ADAM21: variants seen among roughly 807,000 people sequenced by gnomAD.
ADAM21 encodes the protein ADAM metallopeptidase domain 21.
For synonymous variants in ADAM21, 262 were observed against 306.0 expected, an observed-to-expected ratio of 0.86 and a Z score of 1.50; for missense variants, 678 against 874.4, an observed-to-expected ratio of 0.78 and a Z score of 2.83.
At chr14:70,456,481 T>A (rs2139484319) in intron 1 of ADAM21, among the ~76,000 whole-genome samples, 1 of 152,310 alleles carries the variant, frequency 6.6e-6, no homozygotes, top group South Asian at 2.1e-4. Flanking sequence ...GACTCTACAA[T>A]GGTTTTTGCC....
chr14:70,458,402 T>A lies in ADAM21; in HGVS notation c.903T>A (p.Asn301Lys). 2 of 1,614,194 alleles carry A rather than the reference T, an allele frequency of 1.2e-6. No individual in the cohort carries two copies. The highest frequency in any genetic ancestry group is 1.1e-5 in the South Asian group (1 of 91,078). ...QHDAAHMFIKNSLISILGLAY... is the reference protein window; with the variant it reads ...QHDAAHMFIKKSLISILGLAY... ...ATGCTGCACATATGTTCATAAAAAATTCACTTATAAGTATACTTGGCCTAG... is the reference window on the plus strand; with the variant it reads ...ATGCTGCACATATGTTCATAAAAAAATCACTTATAAGTATACTTGGCCTAG... The change falls in exon 2 of 2, where the codon AAT becomes AAA. Residue 301 changes from asparagine (N) to lysine (K), a missense_variant. Transcript: ENST00000603540.
At chr14:70,455,303 CTTGAT>C (rs1179247542) in intron 1 of ADAM21, among the ~76,000 whole-genome samples, 1 of 152,120 alleles carries the variant, frequency 6.6e-6, no homozygotes, top group Non-Finnish European at 1.5e-5. Flanking sequence ...CTTAGATTAG[CTTGAT>C]TTAAGTGCTT....
chr14:70,456,995 T>C (rs1050899971), intron 1 of ADAM21, among the ~76,000 whole-genome samples: 5 of 152,210 alleles, frequency 3.3e-5, no homozygotes, highest in African/African-American at 4.8e-5. Flanking sequence ...ACACTATCAA[T>C]AGATATTGCA....
chr14:70,457,891 G>A lies in ADAM21; in HGVS notation c.392G>A (p.Gly131Asp), dbSNP rs778682144. ...GTTGTGTTCAGTGCTTGTTTTGGGG[G>A]CTTTCGAGGAGTATTAAAAATAAGT... Reference protein sequence around the residue: ...SLVVFSACFGGFRGVLKISGL... With the variant: ...SLVVFSACFGDFRGVLKISGL... Residue 131 changes from glycine (G) to aspartate (D), a missense_variant, in exon 2 of 2, where the codon GGC becomes GAC. Transcript: ENST00000603540. The A allele has an allele frequency of 1.9e-6, 3 of 1,613,896 alleles. No homozygotes were observed. Among genetic ancestry groups the A allele is most frequent in the Non-Finnish European group, 2.5e-6 (3 of 1,180,038 alleles).
rs760265585 is a variant in ADAM21 at position 70,458,462 on chromosome 14, T to C, written c.963T>C (p.Asp321=). 4 of 1,614,026 alleles carry C rather than the reference T, an allele frequency of 2.5e-6. No individual in the cohort carries two copies. Among genetic ancestry groups the C allele is most frequent in the East Asian group, 2.2e-5 (1 of 44,870 alleles). ...CAGGAATATGTCGTCCACCTATTGA[T>C]TGTGGAGTTGATAATTTTCAAGGAG... The part of the protein sequence containing the change: ...YVAGICRPPI[D]CGVDNFQGDT... The change falls in exon 2 of 2, where the codon GAT becomes GAC. Residue 321 remains aspartate (D), a synonymous_variant. Transcript: ENST00000603540.
rs1254271683 is a variant in ADAM21, at chr14:70,458,297, T to C, written c.798T>C (p.Val266=). The C allele has an allele frequency of 6.2e-7, 1 of 1,614,090 alleles. No homozygotes were observed. Residue 266 remains valine, a synonymous_variant, in exon 2 of 2, where the codon GTT becomes GTC. Coordinates refer to ENST00000603540, the MANE Select transcript of ADAM21 (RefSeq NM_003813.4). Reference sequence around the variant, plus strand: ...TTGAAATTTGGAATCAAGGAAATGTTTTCCCAATGACAAGCATAGAACAGG... The same window carrying C: ...TTGAAATTTGGAATCAAGGAAATGTCTTCCCAATGACAAGCATAGAACAGG... ...IGIEIWNQGN[V]FPMTSIEQVL...
In ADAM21 at chr14:70,458,411, A is replaced by G. The variant is rs1386343206; in HGVS notation, c.912A>G (p.Ile304Met). The change falls in exon 2 of 2, where the codon ATA becomes ATG. Residue 304 changes from isoleucine (I) to methionine (M), a missense_variant. By Grantham distance (10) the Ile-to-Met change is conservative (BLOSUM62 1). Transcript: ENST00000603540. ...AAHMFIKNSLISILGLAYVAG... is the reference protein window; with the variant it reads ...AAHMFIKNSLMSILGLAYVAG... Reference sequence around the variant, plus strand: ...ATATGTTCATAAAAAATTCACTTATAAGTATACTTGGCCTAGCCTATGTTG... The same window carrying G: ...ATATGTTCATAAAAAATTCACTTATGAGTATACTTGGCCTAGCCTATGTTG... 8.1e-6 allele frequency: 13 copies of G among 1,614,062 alleles called. No individual in the cohort carries two copies. The highest frequency in any genetic ancestry group is 1.1e-5 in the Non-Finnish European group (13 of 1,180,034).
In ADAM21 at chr14:70,457,397, G is replaced by A; in HGVS notation, c.-103G>A. On this transcript the variant is annotated 5_prime_UTR_variant, in exon 2 of 2. Coordinates refer to ENST00000603540, the MANE Select transcript of ADAM21 (RefSeq NM_003813.4). ...GCCAGGACACAGATCCACAGGGTCA[G>A]CCCTGCATCCTGAGCAGCTTAGAGG... 1 of 1,558,470 alleles carries A rather than the reference G, an allele frequency of 6.4e-7. No homozygotes were observed. The highest frequency in any genetic ancestry group is 1.4e-5 in the African/African-American group (1 of 73,362).
In ADAM21 at chr14:70,458,375, T is replaced by A. The variant is rs1279850812; in HGVS notation, c.876T>A (p.His292Gln). 3.1e-6 allele frequency: 5 copies of A among 1,614,114 alleles called. No homozygotes were observed. Among genetic ancestry groups the A allele is most frequent in the South Asian group, 1.1e-5 (1 of 91,082 alleles). ...WKQISLSQLQ[H>Q]DAAHMFIKNS... ...AAATCAGTCTTTCCCAGCTACAGCA[T>A]GATGCTGCACATATGTTCATAAAAA... The change falls in exon 2 of 2, where the codon CAT (histidine) becomes CAA (glutamine). Residue 292 changes from histidine to glutamine, a missense_variant. His to Gln is a conservative substitution (Grantham distance 24). Transcript: ENST00000603540.
chr14:70,456,647 T>C (rs1882414550), intron 1 of ADAM21, among the ~76,000 whole-genome samples: 1 of 152,248 alleles, frequency 6.6e-6, no homozygotes, highest in Admixed American at 6.5e-5. Flanking sequence ...TGTCAGTGTT[T>C]CATGAATTTT....
chr14:70,455,509 G>C (rs1242652928), intron 1 of ADAM21, among the ~76,000 whole-genome samples: 1 of 152,102 alleles, frequency 6.6e-6, no homozygotes, highest in Admixed American at 6.5e-5. Flanking sequence ...GAAAGAAGCT[G>C]CAACAAATTA....
chr14:70,453,865 T>A (rs757317090), intron 1 of ADAM21, among the ~76,000 whole-genome samples: 34 of 152,346 alleles, frequency 2.2e-4, no homozygotes, highest in Non-Finnish European at 2.8e-4. Context: ...GGTGCCTAAC[T>A]TGCAGCAGTG....
intron 1 of ADAM21, among the ~76,000 whole-genome samples, chr14:70,455,503 G>C (rs1446822475): frequency 6.6e-6 from 1 of 152,094 alleles, no homozygotes; most frequent in Non-Finnish European, 1.5e-5. Context: ...GCATAAGAAA[G>C]AAGCTGCAAC....
chr14:70,456,554 C>A (rs1213895054), intron 1 of ADAM21, among the ~76,000 whole-genome samples: 1 of 152,168 alleles, frequency 6.6e-6, no homozygotes, highest in Non-Finnish European at 1.5e-5. Context: ...ATTTTCTCTT[C>A]TGAAAGCATT....
At chr14:70,452,938 G>A (rs1463565758) in intron 1 of ADAM21, among the ~76,000 whole-genome samples, 1 of 152,160 alleles carries the variant, frequency 6.6e-6, no homozygotes, top group Non-Finnish European at 1.5e-5. Flanking sequence ...ACCATGAGGG[G>A]CTAATGAGAC....
chr14:70,453,902 T>C (rs1250063568), intron 1 of ADAM21, among the ~76,000 whole-genome samples: 1 of 152,260 alleles, frequency 6.6e-6, no homozygotes. Flanking sequence ...ATCCAGCCTC[T>C]TTAAGCAAGT....
intron 1 of ADAM21, among the ~76,000 whole-genome samples, chr14:70,452,657 C>T (rs563890681): frequency 5.3e-5 from 8 of 152,330 alleles, no homozygotes; most frequent in Admixed American, 3.3e-4. Flanking sequence ...TGAGCCACCG[C>T]GCCCGGCGTG....
At chr14:70,456,869 A>G (rs1022654546) in intron 1 of ADAM21, among the ~76,000 whole-genome samples, 1 of 152,214 alleles carries the variant, frequency 6.6e-6, no homozygotes, top group Non-Finnish European at 1.5e-5. Flanking sequence ...GATGAATACA[A>G]TGAGGAATAG....
In ADAM21 at chr14:70,458,826, G is replaced by T; in HGVS notation, c.1327G>T (p.Gly443Trp). 6.2e-7 allele frequency: 1 copy of T among 1,614,152 alleles called. No homozygotes were observed. Among genetic ancestry groups the T allele is most frequent in the Non-Finnish European group, 8.5e-7 (1 of 1,180,024 alleles). Residue 443 changes from glycine to tryptophan, a missense_variant, in exon 2 of 2, where the codon GGG (glycine) becomes TGG (tryptophan). Gly to Trp is a radical substitution (Grantham distance 184). Coordinates refer to ENST00000603540, the MANE Select transcript of ADAM21 (RefSeq NM_003813.4). ...TCTGTTGAACTGCACTCTAAGGCCT[G>T]GGGCTGCCTGTGCTTTTGGGCTTTG... ...CCLLNCTLRPGAACAFGLCCK... is the reference protein window; with the variant it reads ...CCLLNCTLRPWAACAFGLCCK...
Sources: allele counts gnomAD v4.1 joint callset (sites outside exome capture counted in the v4.1 genomes callset), GRCh38; gene constraint gnomAD v4.1.1; transcripts MANE v1.5; gene names NCBI Gene and HGNC (gene_info 2026-07-23, HGNC 2026-07-21).